The following NLGN1 variants were observed in gnomAD, a reference collection of about 807,000 sequenced individuals.
NLGN1 encodes the protein neuroligin-1.
Under a neutral mutation model 65.5 loss-of-function variants are expected in NLGN1, and 12 were observed. That is an observed-to-expected ratio of 0.18 (90% CI 0.12 to 0.30). NLGN1 has a LOEUF of 0.30. Among genes scored for constraint, NLGN1 ranks in the 10% least tolerant of loss-of-function variants. The pLI is 1.00. For missense variants in NLGN1, 750 were observed against 1,007.1 expected (o/e 0.74, Z 3.46); for synonymous variants, 350 against 359.5 (o/e 0.97, Z 0.30).
At chr3:173,772,732 C>T (rs145316174) in intron 3 of NLGN1, among the ~76,000 whole-genome samples, 235 of 152,266 alleles carry the variant, frequency 1.5e-3, no homozygotes, top group African/African-American at 5.2e-3. Flanking sequence ...AAGCCTGGAC[C>T]GGAGAATGGG....
chr3:174,167,593 CTTTTT>C (rs201802866), intron 4 of NLGN1, among the ~76,000 whole-genome samples: 2 of 140,356 alleles, frequency 1.4e-5, no homozygotes. Flanking sequence ...GATCTGCCCC[CTTTTT>C]TTTTTTTTTT....
intron 3 of NLGN1, among the ~76,000 whole-genome samples, chr3:173,767,056 G>T (rs1317988343): frequency 1.3e-5 from 2 of 151,950 alleles, no homozygotes; most frequent in Non-Finnish European, 2.9e-5. Flanking sequence ...ATCCTGAGAG[G>T]GTATTTTAAA....
intron 4 of NLGN1, chr3:173,912,680 G>T (rs1401916633): frequency 6.6e-6 from 1 of 152,236 alleles, no homozygotes; most frequent in South Asian, 2.1e-4. Flanking sequence ...AATTAAGCAT[G>T]ATCTAATAAT....
intron 3 of NLGN1, among the ~76,000 whole-genome samples, chr3:173,750,922 A>G (rs1776221247): frequency 6.6e-6 from 1 of 152,122 alleles, no homozygotes; most frequent in Non-Finnish European, 1.5e-5. Context: ...AACTGCTGGT[A>G]GAAAGAACAG....
intron 4 of NLGN1, among the ~76,000 whole-genome samples, chr3:174,259,290 C>T (rs560546448): frequency 6.6e-6 from 1 of 152,226 alleles, no homozygotes; most frequent in East Asian, 1.9e-4. Context: ...TAGCATCCCT[C>T]TTTCCCACTC....
intron 3 of NLGN1, among the ~76,000 whole-genome samples, chr3:173,669,507 T>A (rs1220364635): frequency 6.6e-6 from 1 of 152,202 alleles, no homozygotes; most frequent in East Asian, 1.9e-4. Flanking sequence ...CATGACTGTC[T>A]CTCCACTTGG....
chr3:174,202,971 A>C (rs566869668), intron 4 of NLGN1, among the ~76,000 whole-genome samples: 1 of 144,160 alleles, frequency 6.9e-6, no homozygotes, highest in East Asian at 2.1e-4. Flanking sequence ...TTTACAAGGG[A>C]AGCACTTTAT....
At chr3:173,710,828 G>T (rs1403780974) in intron 3 of NLGN1, among the ~76,000 whole-genome samples, 2 of 152,172 alleles carry the variant, frequency 1.3e-5, no homozygotes, top group African/African-American at 4.8e-5. Flanking sequence ...CCATGCGAGA[G>T]TAAACTGGGT....
intron 2 of NLGN1, among the ~76,000 whole-genome samples, chr3:173,499,116 T>C (rs1451425499): frequency 6.6e-6 from 1 of 151,624 alleles, no homozygotes; most frequent in Admixed American, 6.6e-5. Flanking sequence ...GTTTTAGACA[T>C]GAAGTCCTTG....
At chr3:173,967,302 AT>A (rs1211667501) in intron 4 of NLGN1, among the ~76,000 whole-genome samples, 4 of 152,190 alleles carry the variant, frequency 2.6e-5, no homozygotes, top group Non-Finnish European at 5.9e-5. Context: ...AGCAATCGGA[AT>A]TTGTGTGGCT....
chr3:173,995,996 G>GT (rs1560803322), intron 4 of NLGN1, among the ~76,000 whole-genome samples: 4 of 152,022 alleles, frequency 2.6e-5, no homozygotes, highest in South Asian at 2.1e-4. Flanking sequence ...CTTGTGTTTT[G>GT]TTTTTAACCA....
At chr3:174,004,855 G>A (rs1355407087) in intron 4 of NLGN1, among the ~76,000 whole-genome samples, 2 of 151,916 alleles carry the variant, frequency 1.3e-5, no homozygotes, top group Admixed American at 6.6e-5. Context: ...CTTAAATTAC[G>A]TTCGTGTTAA....
At chr3:173,916,816 C>G (rs769401487) in intron 4 of NLGN1, among the ~76,000 whole-genome samples, 3 of 152,092 alleles carry the variant, frequency 2.0e-5, no homozygotes, top group African/African-American at 7.2e-5. Context: ...ATACTGAGAG[C>G]AAATCTAAAA....
At chr3:173,853,773 A>G (rs1727422231) in intron 4 of NLGN1, among the ~76,000 whole-genome samples, 1 of 152,050 alleles carries the variant, frequency 6.6e-6, no homozygotes. Flanking sequence ...TTTGCTCATG[A>G]TTTTAGGAAT....
intron 1 of NLGN1, among the ~76,000 whole-genome samples, chr3:173,431,795 G>A (rs1717214365): frequency 6.6e-6 from 1 of 152,056 alleles, no homozygotes; most frequent in African/African-American, 2.4e-5. Context: ...TTCCATAAAT[G>A]TATCATGATA....
At chr3:173,435,741 G>A (rs918216581) in intron 2 of NLGN1, among the ~76,000 whole-genome samples, 37 of 152,080 alleles carry the variant, frequency 2.4e-4, no homozygotes, top group African/African-American at 7.7e-4. Flanking sequence ...AGGCTGAGGC[G>A]GGAGAATTGC....
intron 3 of NLGN1, among the ~76,000 whole-genome samples, chr3:173,644,925 G>A (rs1758010602): frequency 6.6e-6 from 1 of 152,246 alleles, no homozygotes; most frequent in Admixed American, 6.5e-5. Flanking sequence ...TGTCAAGGCA[G>A]CAGAGGAACA....
chr3:173,734,345 A>G (rs1196471203), intron 3 of NLGN1, among the ~76,000 whole-genome samples: 1 of 147,622 alleles, frequency 6.8e-6, no homozygotes, highest in African/African-American at 2.5e-5. Context: ...GTCTATTGAG[A>G]ATTATATCAG....
At chr3:173,449,603 G>A (rs532837110) in intron 2 of NLGN1, among the ~76,000 whole-genome samples, 3 of 151,560 alleles carry the variant, frequency 2.0e-5, no homozygotes, top group Non-Finnish European at 4.4e-5. Context: ...GCTGAGTTCA[G>A]TTCCTGGATA....
Sources: gnomAD v4.1 joint callset for allele counts (sites outside exome capture counted in the v4.1 genomes callset) on GRCh38, gnomAD v4.1.1 for gene constraint, MANE v1.5 for transcripts, NCBI Gene and HGNC (gene_info 2026-07-23, HGNC 2026-07-21) for gene names.